The following RHOBTB3 variants were observed in gnomAD, a reference collection of about 807,000 sequenced individuals.
RHOBTB3 encodes the protein rho-related BTB domain-containing protein 3.
RHOBTB3 carries 47 observed loss-of-function variants against 67.2 expected under a neutral mutation model. The observed-to-expected ratio is 0.70, with a 90% CI of 0.55 to 0.89. The LOEUF (loss-of-function observed/expected upper bound fraction) is 0.89. RHOBTB3 is among the 40% of genes least tolerant of loss of function. The pLI, the probability that RHOBTB3 is intolerant of heterozygous loss-of-function variation, is 0.00. For synonymous variants in RHOBTB3, 273 were observed against 274.2 expected (o/e 1.00, Z 0.04); for missense variants, 631 against 750.0 (o/e 0.84, Z 1.85).
At chr5:95,772,306 A>G (rs1030228642) in intron 8 of RHOBTB3, among the ~76,000 whole-genome samples, 2 of 152,156 alleles carry the variant, frequency 1.3e-5, no homozygotes, top group African/African-American at 2.4e-5. Context: ...GTCCTATAAC[A>G]TAGTGTTGTA....
intron 2 of RHOBTB3, among the ~76,000 whole-genome samples, chr5:95,735,006 T>C (rs1342742126): frequency 6.6e-6 from 1 of 152,230 alleles, no homozygotes; most frequent in Non-Finnish European, 1.5e-5. Context: ...GCCCCACTTT[T>C]GTTTAGTTTT....
intron 1 of RHOBTB3, among the ~76,000 whole-genome samples, chr5:95,723,360 C>G (rs563630570): frequency 4.7e-4 from 72 of 152,288 alleles, no homozygotes; most frequent in African/African-American, 1.6e-3. Context: ...GAGATTACAG[C>G]CTTGCAATTT....
chr5:95,722,869 C>T (rs187213772), intron 1 of RHOBTB3, among the ~76,000 whole-genome samples: 2 of 152,260 alleles, frequency 1.3e-5, no homozygotes, highest in East Asian at 3.9e-4. Flanking sequence ...GAGTTCAACC[C>T]TTCGAAAAAT....
At chr5:95,742,048 C>T (rs528819912) in intron 3 of RHOBTB3, among the ~76,000 whole-genome samples, 4 of 152,120 alleles carry the variant, frequency 2.6e-5, no homozygotes, top group Non-Finnish European at 4.4e-5. Flanking sequence ...TATTTTCTGG[C>T]ACAAGATATT....
At chr5:95,770,926 G>T (rs1282057776) in intron 8 of RHOBTB3, among the ~76,000 whole-genome samples, 1 of 150,800 alleles carries the variant, frequency 6.6e-6, no homozygotes, top group Non-Finnish European at 1.5e-5. Context: ...AATTTATTTT[G>T]TATTTTTGAA....
Position 95,759,860 on chromosome 5 carries a change from G to A in RHOBTB3, c.1049-3648G>A, listed in dbSNP as rs563905090. ...CCATCAGATGGGTTGGTAAAGCAGA[G>A]GTTGAACTCCATCATGTGCTCAGGA... On this transcript the variant is annotated intron_variant, in intron 6 of 11. Transcript: ENST00000379982. Among the ~76,000 whole-genome samples, 6 of 152,020 alleles carry A rather than the reference G, an allele frequency of 3.9e-5. No individual in the cohort carries two copies. In the South Asian group the frequency reaches 1.2e-3, roughly 32 times the overall value.
chr5:95,736,876 C>T lies in RHOBTB3; in HGVS notation c.229-13C>T. On this transcript the variant is annotated splice_polypyrimidine_tract_variant and intron_variant, in intron 2 of 11. Transcript: ENST00000379982. ...TAAGTAGACTAAAGATTGCTATTTG[C>T]ATTTTGGTTTAGGACATATTTGACA... 1.3e-6 allele frequency: 2 copies of T among 1,541,174 alleles called. No individual in the cohort carries two copies. The highest frequency in any genetic ancestry group is 1.8e-6 in the Non-Finnish European group (2 of 1,141,356).
At chr5:95,783,583 A>AAAAAAT in intron 9 of RHOBTB3, 1 of 241,144 alleles carries the variant, frequency 4.1e-6, no homozygotes, top group Non-Finnish European at 7.8e-6. Context: ...AAAAAAAAAA[A>AAAAAAT]AAGAAGAAGA....
intron 1 of RHOBTB3, among the ~76,000 whole-genome samples, chr5:95,721,113 A>T (rs1754858594): frequency 6.6e-6 from 1 of 152,176 alleles, no homozygotes; most frequent in African/African-American, 2.4e-5. Flanking sequence ...AAGGCAAAAA[A>T]CCTTGGCAAG....
chr5:95,748,615 TGAGAGTG>T, intron 4 of RHOBTB3, 128 bp downstream of exon 4: 1 of 545,472 alleles, frequency 1.8e-6, no homozygotes, highest in Admixed American at 3.3e-5. Context: ...AGAAATAAAA[TGAGAGTG>T]AGTGGCAAAG....
intron 11 of RHOBTB3, chr5:95,789,456 T>A (rs1746312739): frequency 6.6e-6 from 1 of 152,238 alleles, no homozygotes; most frequent in Non-Finnish European, 1.5e-5. Context: ...TACTGAGTAC[T>A]GCATAAAAAG....
chr5:95,794,629 T>C lies in RHOBTB3; in HGVS notation c.*1455T>C, dbSNP rs527751585. 1 of 152,400 alleles carries C rather than the reference T, an allele frequency of 6.6e-6. No homozygotes were observed. The highest frequency in any genetic ancestry group is 2.4e-5 in the African/African-American group (1 of 41,588). 9.4% of individuals were successfully genotyped at this position (152,400 alleles called of 1,614,324 possible). A position where few individuals can be genotyped will look rare whatever the true frequency, so the allele number is the denominator to read the frequency against. On this transcript the variant is annotated 3_prime_UTR_variant, in exon 12 of 12. Transcript: ENST00000379982. Reference sequence around the variant, plus strand: ...CTAGACATGGAAAAACAGATTACTGTCTATTGTCAGCATCATTTTCATCTG... The same window carrying C: ...CTAGACATGGAAAAACAGATTACTGCCTATTGTCAGCATCATTTTCATCTG...
intron 5 of RHOBTB3, among the ~76,000 whole-genome samples, chr5:95,753,149 G>A (rs1745140661): frequency 6.6e-6 from 1 of 151,290 alleles, no homozygotes; most frequent in African/African-American, 2.4e-5. Context: ...AAAAAAAAAA[G>A]AAAGTGTTTT....
Position 95,788,823 on chromosome 5 carries a change from T to C in RHOBTB3, c.1685T>C (p.Ile562Thr). 1 of 1,572,980 alleles carries C rather than the reference T, an allele frequency of 6.4e-7. No homozygotes were observed. The highest frequency in any genetic ancestry group is 1.2e-5 in the South Asian group (1 of 81,926). ...LLHFIATNYL[I>T]FSQKPEFQDL... is the part of the protein sequence containing the mutation. ...CATTTCATTGCTACTAACTACCTCATCTTCAGTCAAAAGCCTGAATTTCAG... is the reference window on the plus strand; with the variant it reads ...CATTTCATTGCTACTAACTACCTCACCTTCAGTCAAAAGCCTGAATTTCAG... The change falls in exon 11 of 12, where the codon ATC becomes ACC. Residue 562 changes from isoleucine to threonine, a missense_variant. By Grantham distance (89) the Ile-to-Thr change is moderately conservative. Transcript: ENST00000379982.
chr5:95,792,356 C>T (rs555477446), intron 11 of RHOBTB3, among the ~76,000 whole-genome samples: 1 of 142,554 alleles, frequency 7.0e-6, no homozygotes, highest in East Asian at 2.0e-4. Flanking sequence ...CACTGCGCTC[C>T]AGCCTGGGCG....
chr5:95,782,878 AAAAAC>A (rs1371900271), intron 9 of RHOBTB3: 1 of 151,652 alleles, frequency 6.6e-6, no homozygotes, highest in Non-Finnish European at 1.5e-5. Flanking sequence ...TTATCATAAT[AAAAAC>A]AAAACAACAA....
At chr5:95,743,799 C>T (rs1755670487) in intron 3 of RHOBTB3, among the ~76,000 whole-genome samples, 1 of 150,636 alleles carries the variant, frequency 6.6e-6, no homozygotes, top group African/African-American at 2.4e-5. Context: ...CAACCTCCAC[C>T]TCAGGTTCAA....
At chr5:95,723,408 C>T (rs1218279565) in intron 1 of RHOBTB3, among the ~76,000 whole-genome samples, 2 of 152,192 alleles carry the variant, frequency 1.3e-5, no homozygotes, top group African/African-American at 2.4e-5. Context: ...CTGTAGTCTC[C>T]TTCTCTGGGA....
At chr5:95,731,045 T>A (rs1340604485), upstream of RHOBTB3, 4 of 1,031,394 alleles carry the variant, frequency 3.9e-6, no homozygotes, top group African/African-American at 6.8e-5. Context: ...CTGGCTCTGG[T>A]TACGGCCTTG....
Sources: allele counts gnomAD v4.1 joint callset (sites outside exome capture counted in the v4.1 genomes callset), GRCh38; gene constraint gnomAD v4.1.1; transcripts MANE v1.5; gene names NCBI Gene and HGNC (gene_info 2026-07-23, HGNC 2026-07-21).